Variants in ZNF226 observed in about 807,000 individuals in gnomAD.
ZNF226 encodes zinc finger protein 226, also known as Kruppel-associated box protein.
In ZNF226, 6 loss-of-function variants were observed where a neutral mutation model predicts 11.4. That is an observed-to-expected ratio of 0.53 (90% CI 0.29 to 1.04). ZNF226 has a LOEUF of 1.04. Ranked by LOEUF, ZNF226 falls within the 50% of genes least tolerant of loss-of-function variation. The pLI is 0.08. For synonymous variants in ZNF226, 350 were observed against 322.8 expected, an observed-to-expected ratio of 1.08 and a Z score of -0.90; for missense variants, 1,058 against 956.5, an observed-to-expected ratio of 1.11 and a Z score of -1.40.
chr19:44,167,463 C>T (rs951032893), intron 2 of ZNF226, among the ~76,000 whole-genome samples: 1 of 151,542 alleles, frequency 6.6e-6, no homozygotes, highest in Non-Finnish European at 1.5e-5. Flanking sequence ...AGATTACAGG[C>T]ACCCGCCACC....
chr19:44,195,323 AG>A, the ZNF226 span, among the ~76,000 whole-genome samples: 1 of 152,348 alleles, frequency 6.6e-6, no homozygotes, highest in East Asian at 1.9e-4. Context: ...ATAGAAGCAG[AG>A]GCCACAAAAG....
downstream of ZNF226, chr19:44,178,177 G>A (rs181113580): frequency 6.4e-6 from 1 of 155,114 alleles, no homozygotes; most frequent in Non-Finnish European, 1.4e-5. Context: ...TGTTAATTTG[G>A]CATTGTCTTG....
chr19:44,193,262 C>T, the ZNF226 span, among the ~76,000 whole-genome samples: 1 of 151,744 alleles, frequency 6.6e-6, no homozygotes, highest in Non-Finnish European at 1.5e-5. Flanking sequence ...GTATGTATAA[C>T]ACAGACCAAG....
chr19:44,185,296 T>C, the ZNF226 span, among the ~76,000 whole-genome samples: 1 of 152,332 alleles, frequency 6.6e-6, no homozygotes, highest in Non-Finnish European at 1.5e-5. Context: ...TATCCAGTAA[T>C]TCTATTTTTA....
the ZNF226 span, among the ~76,000 whole-genome samples, chr19:44,198,004 C>T: frequency 1.3e-5 from 2 of 152,072 alleles, no homozygotes; most frequent in Admixed American, 6.6e-5. Context: ...TTGATATTTA[C>T]ATATGGGATG....
At chr19:44,195,217 G>A in the ZNF226 span, among the ~76,000 whole-genome samples, 10 of 152,160 alleles carry the variant, frequency 6.6e-5, no homozygotes, top group Non-Finnish European at 1.5e-4. Flanking sequence ...TGGCCTTATA[G>A]CCAAATCCAG....
In ZNF226 at chr19:44,176,588, A is replaced by C; in HGVS notation, c.1326A>C (p.Thr442=). The change falls in exon 6 of 6, where the codon ACA becomes ACC. Residue 442 remains threonine (T), a synonymous_variant. Transcript: ENST00000337433. ...SNLYIHQRVH[T]GEKPYKCEEC... is the part of the protein sequence containing the mutation. ...TTTACATTCATCAGAGAGTCCACAC[A>C]GGAGAAAAACCCTATAAATGTGAGG... 6.2e-7 allele frequency: 1 copy of C among 1,614,038 alleles called. No individual in the cohort carries two copies. The highest frequency in any genetic ancestry group is 8.5e-7 in the Non-Finnish European group (1 of 1,179,998).
Position 44,176,894 on chromosome 19 carries a change from G to A in ZNF226, c.1632G>A (p.Ser544=), listed in dbSNP as rs772700276. The change falls in exon 6 of 6, where the codon TCG becomes TCA. Residue 544 remains serine (S), a synonymous_variant. Coordinates refer to ENST00000337433, the MANE Select transcript of ZNF226 (RefSeq NM_001032373.2). ...EICGKGFSQS[S]YLQIHQKAHS... is the part of the protein sequence containing the mutation. ...GTGGGAAGGGCTTCAGTCAAAGTTC[G>A]TATCTTCAAATCCATCAGAAGGCCC... 109 of 1,612,788 alleles carry A rather than the reference G, an allele frequency of 6.8e-5. No homozygotes were observed. The highest frequency in any genetic ancestry group is 1.6e-4 in the Middle Eastern group (1 of 6,078).
rs1176830799 is a variant in ZNF226, at chr19:44,175,899, G to A, written c.637G>A (p.Asp213Asn). 6.2e-7 allele frequency: 1 copy of A among 1,612,962 alleles called. No individual in the cohort carries two copies. The highest frequency in any genetic ancestry group is 8.5e-7 in the Non-Finnish European group (1 of 1,179,590). ...VDPIGWISHH[D>N]GHRVHKSEKS... Reference sequence around the variant, plus strand: ...TCCCATCGGTTGGATTTCACATCATGATGGTCATAGAGTACACAAAAGTGA... The same window carrying A: ...TCCCATCGGTTGGATTTCACATCATAATGGTCATAGAGTACACAAAAGTGA... Residue 213 changes from aspartate to asparagine, a missense_variant, in exon 6 of 6, where the codon GAT becomes AAT. By Grantham distance (23) the Asp-to-Asn change is conservative (BLOSUM62 1). Coordinates refer to ENST00000337433, the MANE Select transcript of ZNF226 (RefSeq NM_001032373.2).
At chr19:44,181,552 G>A (rs960516051), downstream of ZNF226, among the ~76,000 whole-genome samples, 11 of 152,134 alleles carry the variant, frequency 7.2e-5, no homozygotes, top group African/African-American at 2.7e-4. Flanking sequence ...GGGATGCAAA[G>A]CCAAAATCAG....
At chr19:44,172,819 T>TA in intron 4 of ZNF226, 41 bp from the exon 5 acceptor site, 1 of 1,517,518 alleles carries the variant, frequency 6.6e-7, no homozygotes, top group Non-Finnish European at 9.0e-7. Context: ...ATTTTAACTC[T>TA]AATATGTTCA....
chr19:44,176,430 C>G lies in ZNF226; in HGVS notation c.1168C>G (p.Pro390Ala). 1 of 1,614,030 alleles carries G rather than the reference C, an allele frequency of 6.2e-7. No individual in the cohort carries two copies. The highest frequency in any genetic ancestry group is 8.5e-7 in the Non-Finnish European group (1 of 1,179,982). The stretch of plus-strand genomic sequence containing the variant: ...TCAGAGACTCCACACTGGGGAGAAG[C>G]CATTCAAATGTGATGCATGTGGTAA... The part of the protein sequence containing the change: ...DHQRLHTGEK[P>A]FKCDACGKSF... Residue 390 changes from proline (P) to alanine (A), a missense_variant, in exon 6 of 6, where the codon CCA (proline) becomes GCA (alanine). Pro to Ala is a conservative substitution (Grantham distance 27). Coordinates refer to ENST00000337433, the MANE Select transcript of ZNF226 (RefSeq NM_001032373.2).
intron 3 of ZNF226, among the ~76,000 whole-genome samples, chr19:44,171,073 A>G (rs1287401657): frequency 1.3e-5 from 2 of 152,206 alleles, no homozygotes; most frequent in African/African-American, 4.8e-5. Flanking sequence ...AAATTTATGT[A>G]TCCAGTTTTT....
Position 44,176,462 on chromosome 19 carries a change from C to A in ZNF226, c.1200C>A (p.Phe400Leu). 1 of 1,614,054 alleles carries A rather than the reference C, an allele frequency of 6.2e-7. No individual in the cohort carries two copies. The highest frequency in any genetic ancestry group is 8.5e-7 in the Non-Finnish European group (1 of 1,180,000). ...PFKCDACGKSFSRNSHLQSHQ... is the reference protein window; with the variant it reads ...PFKCDACGKSLSRNSHLQSHQ... ...AATGTGATGCATGTGGTAAGAGCTTCAGTCGGAATTCACATCTTCAATCCC... is the reference window on the plus strand; with the variant it reads ...AATGTGATGCATGTGGTAAGAGCTTAAGTCGGAATTCACATCTTCAATCCC... Residue 400 changes from phenylalanine to leucine, a missense_variant, in exon 6 of 6, where the codon TTC becomes TTA. Phe to Leu is a conservative substitution (Grantham distance 22, BLOSUM62 0). Transcript: ENST00000337433.
chr19:44,178,383 CAG>C (rs1970852550), downstream of ZNF226: 2 of 152,176 alleles, frequency 1.3e-5, no homozygotes. Flanking sequence ...GTTTAAGTGT[CAG>C]AGTTGCTAAT....
At chr19:44,183,376 A>G (rs985726573), downstream of ZNF226, among the ~76,000 whole-genome samples, 3 of 152,198 alleles carry the variant, frequency 2.0e-5, no homozygotes, top group Non-Finnish European at 4.4e-5. Flanking sequence ...AGCTGCATTC[A>G]ATAGCTGACA....
chr19:44,183,290 C>G (rs745637902), downstream of ZNF226, among the ~76,000 whole-genome samples: 14 of 152,230 alleles, frequency 9.2e-5, no homozygotes, highest in African/African-American at 3.4e-4. Context: ...TGCTTAGGCC[C>G]GTTTGTGGTG....
the ZNF226 span, among the ~76,000 whole-genome samples, chr19:44,190,782 C>T: frequency 5.9e-5 from 9 of 152,074 alleles, no homozygotes; most frequent in Non-Finnish European, 1.2e-4. Context: ...TATCATGTTA[C>T]AAGGAGGTAC....
chr19:44,173,287 T>G (rs1301760456), intron 5 of ZNF226: 1 of 382,614 alleles, frequency 2.6e-6, no homozygotes, highest in Admixed American at 4.5e-5. Context: ...AAATATATCT[T>G]CTATACTCTC....
Sources: gnomAD v4.1 joint callset for allele counts (sites outside exome capture counted in the v4.1 genomes callset) on GRCh38, gnomAD v4.1.1 for gene constraint, MANE v1.5 for transcripts, NCBI Gene and HGNC (gene_info 2026-07-23, HGNC 2026-07-21) for gene names.